Variants in SCN8A observed in about 807,000 individuals in gnomAD.
The protein encoded by SCN8A is sodium voltage-gated channel alpha subunit 8, also known as sodium channel protein type 8 subunit alpha.
In SCN8A, 30 loss-of-function variants were observed where a neutral mutation model predicts 184.1. The ratio of observed to expected loss-of-function variants is 0.16; its 90% CI spans 0.12 to 0.22. The LOEUF is 0.22. Among genes scored for constraint, SCN8A ranks in the 10% least tolerant of loss-of-function variants. The pLI is 1.00. For missense variants in SCN8A, 1,057 were observed against 2,498.9 expected (o/e 0.42, Z 12.30); for synonymous variants, 852 against 907.0 (o/e 0.94, Z 1.09).
At chr12:51,710,490 C>A (rs1301981934) in intron 11 of SCN8A, among the ~76,000 whole-genome samples, 1 of 152,080 alleles carries the variant, frequency 6.6e-6, no homozygotes, top group Non-Finnish European at 1.5e-5. Context: ...CATAGAGAGA[C>A]CCCTGTCTCT....
Position 51,789,266 on chromosome 12 carries a change from C to A in SCN8A, c.4282-15C>A. The stretch of plus-strand genomic sequence containing the variant: ...TAGGAGCTGATTCTCTTCCTTTTAT[C>A]CTGTCCTTTGACAGCCTGATGAGCA... On this transcript the variant is annotated splice_polypyrimidine_tract_variant and intron_variant, in intron 23 of 26. Transcript: ENST00000627620. The A allele has an allele frequency of 6.2e-7, 1 of 1,613,604 alleles. No individual in the cohort carries two copies. The highest frequency in any genetic ancestry group is 8.5e-7 in the Non-Finnish European group (1 of 1,179,696).
chr12:51,676,354 A>G (rs1172860856), intron 2 of SCN8A, among the ~76,000 whole-genome samples: 1 of 152,216 alleles, frequency 6.6e-6, no homozygotes, highest in African/African-American at 2.4e-5. Flanking sequence ...TCTTTTCAAC[A>G]TGGCATAGTC....
At chr12:51,678,937 A>G (rs570734091) in intron 2 of SCN8A, among the ~76,000 whole-genome samples, 1 of 151,924 alleles carries the variant, frequency 6.6e-6, no homozygotes, top group Non-Finnish European at 1.5e-5. Context: ...TTAGCTGGGC[A>G]TGGTGGCGGG....
chr12:51,591,499 C>G (rs1402722292), intron 1 of SCN8A, 140 bp downstream of exon 1: 2 of 152,796 alleles, frequency 1.3e-5, no homozygotes, highest in African/African-American at 2.4e-5. Flanking sequence ...CTCCAGGGGC[C>G]GTGGAGCTGG....
At chr12:51,616,792 A>G (rs1939849268) in intron 1 of SCN8A, among the ~76,000 whole-genome samples, 1 of 151,720 alleles carries the variant, frequency 6.6e-6, no homozygotes, top group Admixed American at 6.6e-5. Context: ...GGTGGTGCAT[A>G]CCTGTAGTCC....
intron 11 of SCN8A, among the ~76,000 whole-genome samples, chr12:51,716,156 A>G (rs888907586): frequency 1.5e-5 from 2 of 130,178 alleles, no homozygotes; most frequent in African/African-American, 5.4e-5. Context: ...CAACATGGCG[A>G]AACCCTGTAT....
chr12:51,609,764 A>G (rs944702754), intron 1 of SCN8A, among the ~76,000 whole-genome samples: 25 of 138,360 alleles, frequency 1.8e-4, no homozygotes, highest in African/African-American at 5.6e-4. Context: ...GAATTGAACA[A>G]TGAGAACACA....
chr12:51,805,442 A>G (rs1422631292), intron 26 of SCN8A, among the ~76,000 whole-genome samples: 2 of 152,088 alleles, frequency 1.3e-5, no homozygotes, highest in African/African-American at 4.8e-5. Context: ...AAATAAATAA[A>G]TAAGACAGAA....
intron 20 of SCN8A, 61 bp from the exon 21 acceptor site, chr12:51,780,561 CTTTCTTTTTTTTTTTTTTTTTTTTTTT>C (rs1937871684): frequency 2.2e-6 from 1 of 457,856 alleles, no homozygotes; most frequent in Non-Finnish European, 2.6e-6. Flanking sequence ...CCTCTGTTTT[CTTTCTTTTTTTTTTTTTTTTTTTTTTT>C]TTTTTTTTTT....
chr12:51,614,723 A>G (rs905842459), intron 1 of SCN8A, among the ~76,000 whole-genome samples: 4 of 149,284 alleles, frequency 2.7e-5, no homozygotes, highest in African/African-American at 7.4e-5. Context: ...TTAACATTCT[A>G]TTTTTAACTT....
chr12:51,765,572 A>G, intron 15 of SCN8A, 99 bp from the exon 16 acceptor site: 3 of 753,890 alleles, frequency 4.0e-6, no homozygotes, highest in Non-Finnish European at 6.3e-6. Context: ...CAATATATTT[A>G]ATCTGATCTT....
At chr12:51,626,524 G>T (rs890544142) in intron 1 of SCN8A, among the ~76,000 whole-genome samples, 1 of 152,148 alleles carries the variant, frequency 6.6e-6, no homozygotes, top group Non-Finnish European at 1.5e-5. Flanking sequence ...CAAGGAGCTC[G>T]TGATATATCA....
chr12:51,619,822 T>G (rs1248369714), intron 1 of SCN8A, among the ~76,000 whole-genome samples: 2 of 152,204 alleles, frequency 1.3e-5, no homozygotes, highest in African/African-American at 4.8e-5. Context: ...ACCAATTGAT[T>G]GGACAGTCAG....
chr12:51,782,964 G>A (rs185152024), intron 21 of SCN8A, among the ~76,000 whole-genome samples: 126 of 152,334 alleles, frequency 8.3e-4, no homozygotes, highest in African/African-American at 2.8e-3. Flanking sequence ...TATTTGAAAA[G>A]CGTCTACATC....
chr12:51,739,614 C>A (rs1401419893), intron 12 of SCN8A, among the ~76,000 whole-genome samples: 1 of 152,102 alleles, frequency 6.6e-6, no homozygotes, highest in African/African-American at 2.4e-5. Context: ...CCATTGTTAC[C>A]CTGAGGCATC....
At chr12:51,721,974 C>A (rs1942075310) in intron 12 of SCN8A, 66 bp downstream of exon 12, 1 of 1,598,798 alleles carries the variant, frequency 6.3e-7, no homozygotes. Context: ...CGAGGCTAGG[C>A]ATGGCAGTCT....
At chr12:51,760,186 T>G (rs1317007992) in intron 14 of SCN8A, among the ~76,000 whole-genome samples, 1 of 152,256 alleles carries the variant, frequency 6.6e-6, no homozygotes, top group Non-Finnish European at 1.5e-5. Flanking sequence ...TGCATGTAAT[T>G]CTTCCCTTTC....
chr12:51,630,955 T>A lies in SCN8A; in HGVS notation c.-54-31809T>A, dbSNP rs183922788. On this transcript the variant is annotated intron_variant, in intron 1 of 26. Transcript: ENST00000627620. ...ATGGCTCTGAGAGTCCTTCACTACA[T>A]CTCATTGTCACACTTTTCTCTAAAA... Among the ~76,000 whole-genome samples the A allele has an allele frequency of 2.0e-5, 3 of 152,282 alleles. No homozygotes were observed. The East Asian group carries it at 5.8e-4, about 29-fold the overall frequency.
In SCN8A at chr12:51,620,700, GA is replaced by G. The variant is rs926840485; in HGVS notation, c.-55+29348del. Among the ~76,000 whole-genome samples, 103 of 151,008 alleles carry G rather than the reference GA, an allele frequency of 6.8e-4. 1 individual carries two copies. Among genetic ancestry groups the G allele is most frequent in the African/African-American group, 2.4e-3 (97 of 41,176 alleles). Reference sequence around the variant, plus strand: ...CATCAGCTAGACTTAAAAAAAAAAAGAAAAAAACTATGTGTGGTGATTCACG... The same window carrying G: ...CATCAGCTAGACTTAAAAAAAAAAAGAAAAAACTATGTGTGGTGATTCACG... On this transcript the variant is annotated intron_variant, in intron 1 of 26. Transcript: ENST00000627620.
Sources: allele counts gnomAD v4.1 joint callset (sites outside exome capture counted in the v4.1 genomes callset), GRCh38; gene constraint gnomAD v4.1.1; transcripts MANE v1.5; gene names NCBI Gene and HGNC (gene_info 2026-07-23, HGNC 2026-07-21).